PTPRD: variants seen among roughly 807,000 people sequenced by gnomAD.
The protein encoded by PTPRD is receptor-type tyrosine-protein phosphatase delta.
PTPRD carries 34 observed loss-of-function variants against 214.5 expected under a neutral mutation model. That is an observed-to-expected ratio of 0.16 (90% CI 0.12 to 0.21). The LOEUF is 0.21. Ranked by LOEUF, PTPRD falls within the 10% of genes least tolerant of loss-of-function variation. The pLI is 1.00. For synonymous variants in PTPRD, 1,128 were observed against 845.7 expected, an observed-to-expected ratio of 1.33 and a Z score of -5.79; for missense variants, 2,545 against 2,398.7, an observed-to-expected ratio of 1.06 and a Z score of -1.27.
intron 3 of PTPRD, among the ~76,000 whole-genome samples, chr9:10,144,017 T>C (rs2099005975): frequency 6.6e-6 from 1 of 152,030 alleles, no homozygotes; most frequent in Non-Finnish European, 1.5e-5. Context: ...AATAAAACTT[T>C]GTAATAAACC....
In PTPRD at chr9:10,118,089, C is replaced by G. The variant is rs1163719762; in HGVS notation, c.-544-84299G>C. 2.6e-5 allele frequency among the ~76,000 whole-genome samples: 4 copies of G among 151,820 alleles called. No individual in the cohort carries two copies. The East Asian group carries it at 7.7e-4, about 29-fold the overall frequency. ...CTTGTAATTAGCCACATGGAGGTAC[C>G]AGAGCTAGTAAAGTCATCTACCTGT... On this transcript the variant is annotated intron_variant, in intron 3 of 45. Coordinates refer to ENST00000381196, the MANE Select transcript of PTPRD (RefSeq NM_002839.4).
chr9:9,859,846 C>A (rs532007029), intron 5 of PTPRD, among the ~76,000 whole-genome samples: 1 of 152,246 alleles, frequency 6.6e-6, no homozygotes, highest in South Asian at 2.1e-4. Flanking sequence ...TCTGTTTCTT[C>A]TTGTGCCATG....
At chr9:8,870,680 G>A (rs1228101318) in intron 11 of PTPRD, among the ~76,000 whole-genome samples, 4 of 69,716 alleles carry the variant, frequency 5.7e-5, no homozygotes, top group Non-Finnish European at 8.7e-5. Flanking sequence ...ATAAGACACA[G>A]ACATGAAACA....
At chr9:9,871,058 A>G (rs1011379281) in intron 5 of PTPRD, among the ~76,000 whole-genome samples, 1 of 152,214 alleles carries the variant, frequency 6.6e-6, no homozygotes, top group African/African-American at 2.4e-5. Context: ...AAGGATAAAA[A>G]TATGAATTTA....
chr9:10,190,033 T>G (rs1252867044), intron 3 of PTPRD, among the ~76,000 whole-genome samples: 1 of 152,026 alleles, frequency 6.6e-6, no homozygotes, highest in East Asian at 1.9e-4. Flanking sequence ...GTTAAAGAGT[T>G]GAGCTCTGAG....
intron 3 of PTPRD, among the ~76,000 whole-genome samples, chr9:10,243,486 C>T (rs1289920805): frequency 6.6e-6 from 1 of 151,894 alleles, no homozygotes; most frequent in Non-Finnish European, 1.5e-5. Context: ...TGGTTTGAGT[C>T]GTCATCAATG....
intron 8 of PTPRD, among the ~76,000 whole-genome samples, chr9:9,469,480 G>T (rs146599484): frequency 2.0e-5 from 3 of 152,210 alleles, no homozygotes; most frequent in African/African-American, 7.2e-5. Flanking sequence ...CATCTACTGA[G>T]CTTGAGACAG....
intron 3 of PTPRD, among the ~76,000 whole-genome samples, chr9:10,286,170 G>C (rs1376253708): frequency 6.6e-6 from 1 of 152,042 alleles, no homozygotes; most frequent in Admixed American, 6.6e-5. Flanking sequence ...ACCAAATAAG[G>C]AAATCAGTAA....
At chr9:10,546,722 A>C (rs1453126134) in intron 2 of PTPRD, among the ~76,000 whole-genome samples, 3 of 152,104 alleles carry the variant, frequency 2.0e-5, no homozygotes, top group Non-Finnish European at 2.9e-5. Context: ...TATTAATGTG[A>C]GCCCTATAGA....
At chr9:9,526,916 T>C (rs1023687400) in intron 8 of PTPRD, among the ~76,000 whole-genome samples, 1 of 152,190 alleles carries the variant, frequency 6.6e-6, no homozygotes, top group African/African-American at 2.4e-5. Flanking sequence ...TTGCTTATTT[T>C]AACCCAGTGA....
At position 10,228,979 on chromosome 9, in the gene PTPRD, G is replaced by A. The variant is rs141204970; in HGVS notation, c.-545+111984C>T. On this transcript the variant is annotated intron_variant, in intron 3 of 45. Transcript: ENST00000381196. ...ATTGCTTCTTAATTCCTCAGTTGTTGACATTTCAGAAGCACTAAGATCAAA... is the reference window on the plus strand; with the variant it reads ...ATTGCTTCTTAATTCCTCAGTTGTTAACATTTCAGAAGCACTAAGATCAAA... 6.3e-3 allele frequency among the ~76,000 whole-genome samples: 962 copies of A among 151,924 alleles called. 11 individuals carry two copies. Among genetic ancestry groups the A allele is most frequent in the Non-Finnish European group, 7.7e-3 (524 of 67,926 alleles).
intron 2 of PTPRD, among the ~76,000 whole-genome samples, chr9:10,560,814 G>C (rs964658521): frequency 6.6e-6 from 1 of 152,168 alleles, no homozygotes; most frequent in Non-Finnish European, 1.5e-5. Context: ...CATATTTCAA[G>C]TGTTCAATAG....
intron 3 of PTPRD, among the ~76,000 whole-genome samples, chr9:10,255,864 C>A (rs558184030): frequency 6.6e-6 from 1 of 152,118 alleles, no homozygotes; most frequent in Non-Finnish European, 1.5e-5. Context: ...AAACACACAT[C>A]GTAGCCTAGA....
At chr9:9,619,647 T>C (rs1041359996) in intron 7 of PTPRD, among the ~76,000 whole-genome samples, 5 of 145,546 alleles carry the variant, frequency 3.4e-5, no homozygotes, top group African/African-American at 7.4e-5. Context: ...ATATTTATAT[T>C]GTATAGAAAT....
chr9:9,467,511 CAGGAAGCGGAGGCTGCAGTGAGCCGAG>C (rs2094275921), intron 8 of PTPRD, among the ~76,000 whole-genome samples: 1 of 144,478 alleles, frequency 6.9e-6, no homozygotes, highest in African/African-American at 2.6e-5. Context: ...TGCTTGAACC[CAGGAAGCGGAGGCTGCAGTGAGCCGAG>C]ATTGTGCCAC....
chr9:9,866,883 A>C (rs1216613390), intron 5 of PTPRD, among the ~76,000 whole-genome samples: 1 of 152,172 alleles, frequency 6.6e-6, no homozygotes, highest in African/African-American at 2.4e-5. Flanking sequence ...TGTATCTAGA[A>C]CAACAAAGTT....
At chr9:10,265,372 GACAA>G (rs1423671175) in intron 3 of PTPRD, among the ~76,000 whole-genome samples, 1 of 152,096 alleles carries the variant, frequency 6.6e-6, no homozygotes, top group Non-Finnish European at 1.5e-5. Flanking sequence ...GGCCCTCTAT[GACAA>G]ACAAACTTGG....
At position 8,940,459 on chromosome 9, in the gene PTPRD, TTTTTG is replaced by T. The variant is rs1474949327; in HGVS notation, c.-104+78233_-104+78237del. On this transcript the variant is annotated intron_variant, in intron 11 of 45. Transcript: ENST00000381196. ...CACCACTCCCAGCTTTTTTTTTTTT[TTTTTG>T]GTATTTTTAATAGAGACAGGGTTTC... is the stretch of plus-strand genomic sequence containing the variant. Among the ~76,000 whole-genome samples the T allele has an allele frequency of 8.7e-4, 120 of 137,904 alleles. 2 individuals carry two copies. The highest frequency in any genetic ancestry group is 1.6e-3 in the Non-Finnish European group (105 of 63,746). 90.5% of individuals were successfully genotyped at this position (137,904 alleles called of 152,430 possible).
chr9:8,839,242 TG>T (rs2097506090), intron 11 of PTPRD, among the ~76,000 whole-genome samples: 1 of 152,196 alleles, frequency 6.6e-6, no homozygotes. Context: ...AATGAGAAAG[TG>T]TTTTGCCTAT....
Sources: allele counts gnomAD v4.1 joint callset (sites outside exome capture counted in the v4.1 genomes callset), GRCh38; gene constraint gnomAD v4.1.1; transcripts MANE v1.5; gene names NCBI Gene and HGNC (gene_info 2026-07-23, HGNC 2026-07-21).